The following LRRC37B variants were observed in gnomAD, a reference collection of about 807,000 sequenced individuals.
The protein encoded by LRRC37B is leucine rich repeat containing 37B.
LRRC37B carries 28 observed loss-of-function variants against 98.3 expected under a neutral mutation model. The ratio of observed to expected loss-of-function variants is 0.28; its 90% CI spans 0.21 to 0.39. The LOEUF (loss-of-function observed/expected upper bound fraction) is 0.39, where lower values mean the gene tolerates loss of function less well. Among genes scored for constraint, LRRC37B ranks in the 10% least tolerant of loss-of-function variants. The pLI is 1.00. For synonymous variants in LRRC37B, 364 were observed against 442.7 expected (o/e 0.82, Z 2.23); for missense variants, 938 against 1,182.7 (o/e 0.79, Z 3.03).
At position 32,034,900 on chromosome 17, in the gene LRRC37B, C is replaced by T. The variant is rs199876060; in HGVS notation, c.2058-10C>T. ...AATGCAGGTAATTTTAATTTCATTG[C>T]ATTTTTCAGAATTCTCAATCGCAAT... On this transcript the variant is annotated splice_polypyrimidine_tract_variant and intron_variant, in intron 5 of 11. Transcript: ENST00000327564. The T allele has an allele frequency of 1.2e-6, 2 of 1,604,064 alleles. No individual in the cohort carries two copies. Among genetic ancestry groups the T allele is most frequent in the East Asian group, 4.5e-5 (2 of 44,672 alleles).
At chr17:32,035,338 T>TA (rs76777694) in intron 6 of LRRC37B, among the ~76,000 whole-genome samples, 8,220 of 148,474 alleles carry the variant, frequency 0.055, 305 homozygotes, top group Middle Eastern at 0.097. Context: ...AAGATAATGG[T>TA]AAAAAAAAAA....
chr17:32,042,021 G>A (rs1310289175), intron 7 of LRRC37B: 3 of 355,356 alleles, frequency 8.4e-6, no homozygotes, highest in East Asian at 7.3e-5. Context: ...TGCTCCTGGC[G>A]ATGAACCCTA....
At chr17:32,016,967 T>G (rs767210631), upstream of LRRC37B, 2 of 152,212 alleles carry the variant, frequency 1.3e-5, no homozygotes, top group Non-Finnish European at 2.9e-5. Context: ...TGAAGATAAC[T>G]TCTGGAATTT....
chr17:32,048,802 A>G (rs1911660359), intron 9 of LRRC37B, among the ~76,000 whole-genome samples: 1 of 152,206 alleles, frequency 6.6e-6, no homozygotes, highest in Admixed American at 6.5e-5. Context: ...TTTCATCCTT[A>G]GGAGACCTGA....
At chr17:32,018,871 G>T (rs1331428040), upstream of LRRC37B, among the ~76,000 whole-genome samples, 4 of 152,102 alleles carry the variant, frequency 2.6e-5, no homozygotes, top group African/African-American at 9.7e-5. Context: ...CCACATACAT[G>T]ATGGTGGTTC....
chr17:32,022,377 C>T, exon 1 of LRRC37B: 2 of 1,613,892 alleles, frequency 1.2e-6, no homozygotes, highest in Non-Finnish European at 1.7e-6. Flanking sequence ...GCATTCACAC[C>T]TGACTGAAGC....
exon 1 of LRRC37B, chr17:32,022,727 A>T: frequency 6.2e-7 from 1 of 1,614,052 alleles, no homozygotes; most frequent in Non-Finnish European, 8.5e-7. Context: ...GCACCTGCGG[A>T]GATGAGACTC....
chr17:32,052,655 A>G (rs1272132315), intron 11 of LRRC37B: 1 of 152,264 alleles, frequency 6.6e-6, no homozygotes, highest in Non-Finnish European at 1.5e-5. Flanking sequence ...GTCATTATAC[A>G]ATATCTATAC....
At chr17:32,039,623 G>A (rs552561540) in intron 7 of LRRC37B, among the ~76,000 whole-genome samples, 4 of 129,434 alleles carry the variant, frequency 3.1e-5, no homozygotes, top group Non-Finnish European at 1.6e-5. Flanking sequence ...ATATATTTCT[G>A]CAAGGCCCTA....
intron 1 of LRRC37B, among the ~76,000 whole-genome samples, chr17:32,011,534 G>A (rs964489296): frequency 1.3e-5 from 2 of 151,614 alleles, no homozygotes; most frequent in African/African-American, 2.4e-5. Context: ...ATCTAGCTCC[G>A]TTGCCCAGAA....
At chr17:32,025,759 A>G (rs1445551934) in intron 2 of LRRC37B, among the ~76,000 whole-genome samples, 1 of 152,242 alleles carries the variant, frequency 6.6e-6, no homozygotes, top group Non-Finnish European at 1.5e-5. Flanking sequence ...TGTAGCATAG[A>G]TATCTAGAAA....
intron 7 of LRRC37B, among the ~76,000 whole-genome samples, chr17:32,045,317 C>A (rs996217475): frequency 6.6e-6 from 1 of 152,104 alleles, no homozygotes; most frequent in Non-Finnish European, 1.5e-5. Context: ...CCACTCCCAA[C>A]AGAAATTGAG....
chr17:32,013,285 G>A (rs531998577), intron 1 of LRRC37B, among the ~76,000 whole-genome samples: 1 of 152,216 alleles, frequency 6.6e-6, no homozygotes. Context: ...GATTATAGGT[G>A]TGAGCCACCA....
intron 1 of LRRC37B, among the ~76,000 whole-genome samples, chr17:32,023,689 G>T (rs1394744831): frequency 6.6e-6 from 1 of 152,186 alleles, no homozygotes; most frequent in African/African-American, 2.4e-5. Flanking sequence ...AGCATATGTA[G>T]GAGTGTTGGC....
upstream of LRRC37B, among the ~76,000 whole-genome samples, chr17:32,007,555 G>A (rs1910435673): frequency 1.3e-5 from 2 of 150,570 alleles, no homozygotes; most frequent in African/African-American, 4.9e-5. The surrounding 1 kb of genome is among the most constrained non-coding windows in gnomAD (Gnocchi z 4.1). Flanking sequence ...CGCCGCCACT[G>A]CGCCCGGCCC....
intron 1 of LRRC37B, among the ~76,000 whole-genome samples, chr17:32,012,618 A>G (rs1313125444): frequency 2.0e-5 from 3 of 152,244 alleles, no homozygotes; most frequent in South Asian, 2.1e-4. Flanking sequence ...TAGAAGGTTG[A>G]GGCAAGAGAA....
exon 3 of LRRC37B, chr17:32,027,839 T>G: frequency 6.2e-7 from 1 of 1,603,596 alleles, no homozygotes. Flanking sequence ...CCTCCAGTAT[T>G]TGTAAGTTAG....
At chr17:32,019,418 C>T (rs116278782), upstream of LRRC37B, among the ~76,000 whole-genome samples, 333 of 152,328 alleles carry the variant, frequency 2.2e-3, 1 homozygote, top group African/African-American at 7.3e-3. Context: ...TAAGTATACA[C>T]TATGATGTTA....
chr17:32,035,594 C>T, exon 7 of LRRC37B: 6 of 1,612,524 alleles, frequency 3.7e-6, no homozygotes, highest in Non-Finnish European at 5.1e-6. Context: ...ATCACACTTA[C>T]AACACTTAAG....
Sources: allele counts gnomAD v4.1 joint callset (sites outside exome capture counted in the v4.1 genomes callset), GRCh38; gene constraint gnomAD v4.1.1; non-coding constraint Gnocchi (gnomAD v3.1); transcripts MANE v1.5; gene names NCBI Gene and HGNC (gene_info 2026-07-23, HGNC 2026-07-21).